SPIRE2: variants seen among roughly 807,000 people sequenced by gnomAD.
The protein encoded by SPIRE2 is spire type actin nucleation factor 2, also known as protein spire homolog 2.
In SPIRE2, 76 loss-of-function variants were observed where a neutral mutation model predicts 80.7. The ratio of observed to expected loss-of-function variants is 0.94; its 90% CI spans 0.78 to 1.14. The LOEUF (loss-of-function observed/expected upper bound fraction) is 1.14. SPIRE2 is among the 50% of genes most tolerant of loss of function. SPIRE2 has a pLI of 0.00. For synonymous variants in SPIRE2, 535 were observed against 432.6 expected, an observed-to-expected ratio of 1.24 and a Z score of -2.94; for missense variants, 1,196 against 1,015.3, an observed-to-expected ratio of 1.18 and a Z score of -2.42.
chr16:89,860,731 A>G lies in SPIRE2; in HGVS notation c.1511A>G (p.Asn504Ser). The change falls in exon 10 of 15, where the codon AAC becomes AGC. Residue 504 changes from asparagine to serine, a missense_variant. Transcript: ENST00000378247. ...GACCCCAGCCACCCCCTACTCAGCA[A>G]CCGGGGCTCCTCGGGGGACAGACCC... The part of the protein sequence containing the change: ...VSDPSHPLLS[N>S]RGSSGDRPEA... 6.3e-7 allele frequency: 1 copy of G among 1,589,384 alleles called. No homozygotes were observed. The highest frequency in any genetic ancestry group is 1.1e-5 in the South Asian group (1 of 87,650).
intron 7 of SPIRE2, 82 bp downstream of exon 7, chr16:89,856,318 G>A: frequency 6.9e-7 from 1 of 1,451,386 alleles, no homozygotes; most frequent in Non-Finnish European, 9.2e-7. Flanking sequence ...TTGCACATTG[G>A]AAGGTGGCGT....
intron 1 of SPIRE2, among the ~76,000 whole-genome samples, chr16:89,837,002 G>GA (rs1465967301): frequency 6.6e-6 from 1 of 151,950 alleles, no homozygotes; most frequent in Non-Finnish European, 1.5e-5. Context: ...GCTAAAAAAA[G>GA]AAAAAATCCT....
At chr16:89,865,863 G>A (rs2041784617) in intron 12 of SPIRE2, among the ~76,000 whole-genome samples, 1 of 151,380 alleles carries the variant, frequency 6.6e-6, no homozygotes, top group Admixed American at 6.6e-5. Flanking sequence ...AGCTACTCGG[G>A]AGGCTGAGGC....
In SPIRE2 at chr16:89,870,413, G is replaced by C; in HGVS notation, c.*141G>C. ...CACAGTCTATATATTTATATACACT[G>C]TTTCCTGGCCCCAGAGCTCATTTGG... is the stretch of plus-strand genomic sequence containing the variant. On this transcript the variant is annotated 3_prime_UTR_variant, in exon 15 of 15. Transcript: ENST00000378247. The C allele has an allele frequency of 1.7e-6, 1 of 597,006 alleles. No homozygotes were observed. Among genetic ancestry groups the C allele is most frequent in the Non-Finnish European group, 2.9e-6 (1 of 342,406 alleles). The allele number at this position is 597,006 out of a possible 1,614,324, so 37.0% of individuals were successfully genotyped here.
intron 10 of SPIRE2, 151 bp downstream of exon 10, chr16:89,860,946 G>C (rs757440844): frequency 1.5e-4 from 62 of 423,728 alleles, no homozygotes; most frequent in Non-Finnish European, 2.2e-4. Flanking sequence ...GTCTGAACAT[G>C]GGGCACCAGT....
intron 10 of SPIRE2, 78 bp downstream of exon 10, chr16:89,860,873 TG>T: frequency 1.1e-6 from 1 of 911,084 alleles, no homozygotes. Context: ...CAGCCAGGTC[TG>T]GGAGATGGGT....
chr16:89,851,584 C>T (rs2041628302), intron 3 of SPIRE2, among the ~76,000 whole-genome samples: 1 of 152,160 alleles, frequency 6.6e-6, no homozygotes, highest in South Asian at 2.1e-4. Context: ...GGAGCTCTCC[C>T]CTGGGCCTCC....
intron 1 of SPIRE2, among the ~76,000 whole-genome samples, chr16:89,833,801 G>A (rs1027491789): frequency 2.0e-5 from 3 of 152,200 alleles, no homozygotes; most frequent in Non-Finnish European, 4.4e-5. Context: ...TCTCAGGGAG[G>A]GGTTCTGCAA....
At chr16:89,838,980 T>C (rs2041477411) in intron 1 of SPIRE2, among the ~76,000 whole-genome samples, 1 of 149,196 alleles carries the variant, frequency 6.7e-6, no homozygotes. Flanking sequence ...TCTATCTGCC[T>C]CGGCCTCCCA....
intron 3 of SPIRE2, 106 bp from the exon 4 acceptor site, chr16:89,854,180 G>T (rs925211718): frequency 4.8e-6 from 5 of 1,042,510 alleles, no homozygotes; most frequent in Non-Finnish European, 7.2e-6. Flanking sequence ...TTTCCGGCTG[G>T]TCGAGTGGAG....
chr16:89,861,198 T>C (rs775055636), intron 10 of SPIRE2, among the ~76,000 whole-genome samples: 28 of 152,134 alleles, frequency 1.8e-4, no homozygotes, highest in Admixed American at 7.2e-4. Context: ...CGGTTTCTTA[T>C]CTGACCTGTA....
intron 12 of SPIRE2, among the ~76,000 whole-genome samples, chr16:89,865,644 A>T (rs182517576): frequency 9.2e-5 from 14 of 152,258 alleles, no homozygotes; most frequent in African/African-American, 3.4e-4. Context: ...ACACGACCCA[A>T]GTAAAAGTTA....
chr16:89,868,274 C>G, intron 13 of SPIRE2, 58 bp downstream of exon 13: 1 of 1,565,194 alleles, frequency 6.4e-7, no homozygotes, highest in Non-Finnish European at 8.8e-7. Flanking sequence ...GCTCCACTGG[C>G]TTTGATTGGA....
At chr16:89,869,333 G>A (rs528402939) in intron 13 of SPIRE2, among the ~76,000 whole-genome samples, 7 of 151,790 alleles carry the variant, frequency 4.6e-5, no homozygotes, top group African/African-American at 9.7e-5. Context: ...AAAAAGGGAC[G>A]GTTCTTGCGC....
At position 89,869,697 on chromosome 16, in the gene SPIRE2, TTGC is replaced by T. The variant is rs764660329; in HGVS notation, c.1922+21_1922+23del. On this transcript the variant is annotated intron_variant, in intron 14 of 14. Transcript: ENST00000378247. ...GACATCTTTCAGTGCGTTCTTCGCC[TTGC>T]TGCTGATGTCACTGTGGTGGTCGGG... 2 of 1,585,434 alleles carry T rather than the reference TTGC, an allele frequency of 1.3e-6. No homozygotes were observed. Among genetic ancestry groups the T allele is most frequent in the African/African-American group, 1.3e-5 (1 of 74,412 alleles).
At chr16:89,833,659 C>T (rs961936149) in intron 1 of SPIRE2, among the ~76,000 whole-genome samples, 1 of 152,210 alleles carries the variant, frequency 6.6e-6, no homozygotes, top group East Asian at 1.9e-4. Flanking sequence ...AACGTCTGTG[C>T]AGCCCTGGGC....
At chr16:89,854,257 C>G in intron 3 of SPIRE2, 29 bp from the exon 4 acceptor site, 1 of 1,605,694 alleles carries the variant, frequency 6.2e-7, no homozygotes, top group South Asian at 1.1e-5. Flanking sequence ...TCGTACCTCC[C>G]CTGGACTGAC....
chr16:89,858,134 C>G (rs1026293898), intron 7 of SPIRE2, among the ~76,000 whole-genome samples: 3 of 150,248 alleles, frequency 2.0e-5, no homozygotes, highest in East Asian at 4.0e-4. Context: ...ATCCACCCGC[C>G]TTGGCCTCCC....
intron 1 of SPIRE2, among the ~76,000 whole-genome samples, chr16:89,843,691 GT>G (rs1224567542): frequency 4.8e-5 from 1 of 20,636 alleles, no homozygotes; most frequent in African/African-American, 2.7e-4. Flanking sequence ...GTTTGTTTTT[GT>G]TTTTTGTTTT....
Sources: allele counts gnomAD v4.1 joint callset (sites outside exome capture counted in the v4.1 genomes callset), GRCh38; gene constraint gnomAD v4.1.1; transcripts MANE v1.5; gene names NCBI Gene and HGNC (gene_info 2026-07-23, HGNC 2026-07-21).